WWC2: variants seen among roughly 807,000 people sequenced by gnomAD.
WWC2 encodes WW and C2 domain containing 2, also known as protein WWC2.
WWC2 carries 101 observed loss-of-function variants against 138.5 expected under a neutral mutation model. The ratio of observed to expected loss-of-function variants is 0.73; its 90% CI spans 0.62 to 0.86. The LOEUF is 0.86. WWC2 is among the 40% of genes least tolerant of loss of function. The pLI, the probability that WWC2 is intolerant of heterozygous loss-of-function variation, is 0.00. For synonymous variants in WWC2, 558 were observed against 538.4 expected (o/e 1.04, Z -0.50); for missense variants, 1,420 against 1,419.4 (o/e 1.00, Z -0.01).
chr4:183,269,348 A>G (rs1737622626), intron 15 of WWC2, 185 bp downstream of exon 15: 1 of 736,794 alleles, frequency 1.4e-6, no homozygotes, highest in South Asian at 1.5e-5. Flanking sequence ...CTTATTCCAG[A>G]CCTTTAAAAT....
intron 4 of WWC2, among the ~76,000 whole-genome samples, chr4:183,213,197 A>G (rs575361876): frequency 6.6e-6 from 1 of 152,186 alleles, no homozygotes; most frequent in Non-Finnish European, 1.5e-5. Flanking sequence ...TTGGGCACAG[A>G]TGGTGCGCTG....
rs777892807 is a variant in WWC2, at chr4:183,284,417, C to T, written c.3048+27C>T. ...TAAGGTGGCAGTGCTCGTGGTGAGG[C>T]GCTGGGACTGCAGCTTCTTCCCTGC... On this transcript the variant is annotated intron_variant, in intron 19 of 22. Transcript: ENST00000403733. 5.7e-5 allele frequency: 92 copies of T among 1,602,378 alleles called. No homozygotes were observed. In the East Asian group the frequency reaches 6.0e-4, roughly 11 times the overall value.
intron 1 of WWC2, among the ~76,000 whole-genome samples, chr4:183,175,095 G>A (rs551620207): frequency 1.6e-4 from 25 of 152,052 alleles, no homozygotes; most frequent in African/African-American, 4.6e-4. Context: ...AAATAGTTCA[G>A]CATACATTTC....
chr4:183,280,620 T>A (rs144390094), intron 16 of WWC2, among the ~76,000 whole-genome samples, 156 bp from the exon 17 acceptor site: 27 of 152,292 alleles, frequency 1.8e-4, no homozygotes, highest in African/African-American at 6.5e-4. Context: ...GAGGTTTTGC[T>A]TGTTTTGGGT....
intron 4 of WWC2, among the ~76,000 whole-genome samples, chr4:183,221,461 C>T (rs925177996): frequency 1.3e-5 from 2 of 152,162 alleles, no homozygotes; most frequent in Admixed American, 1.3e-4. Flanking sequence ...TTAAAAACAG[C>T]AGAAGTGCAC....
chr4:183,114,931 C>T (rs1332632789), intron 1 of WWC2, among the ~76,000 whole-genome samples: 1 of 152,184 alleles, frequency 6.6e-6, no homozygotes, highest in Non-Finnish European at 1.5e-5. Context: ...AAGCGATTGT[C>T]ATGCCTCAGC....
Position 183,319,112 on chromosome 4 carries a change from G to C in WWC2, c.*3383G>C. On this transcript the variant is annotated 3_prime_UTR_variant, in exon 23 of 23. Transcript: ENST00000403733. The stretch of plus-strand genomic sequence containing the variant: ...CTTTCACCTCTGAAGCTTCTAAAGA[G>C]CTAGTAATTATTTTATATAATAAGA... 6.3e-6 allele frequency: 1 copy of C among 159,502 alleles called. No homozygotes were observed. 9.9% of individuals were successfully genotyped at this position (159,502 alleles called of 1,614,324 possible).
chr4:183,320,477 A>G lies in WWC2; in HGVS notation c.*4748A>G, dbSNP rs1739607725. ...GTGTCCTGTGGGCTGGATTTGACAGAAAGCAGTTTGTCACTGAAATATAAT... is the reference window on the plus strand; with the variant it reads ...GTGTCCTGTGGGCTGGATTTGACAGGAAGCAGTTTGTCACTGAAATATAAT... On this transcript the variant is annotated 3_prime_UTR_variant, in exon 23 of 23. Transcript: ENST00000403733. 1 of 490,270 alleles carries G rather than the reference A, an allele frequency of 2.0e-6. No individual in the cohort carries two copies. Among genetic ancestry groups the G allele is most frequent in the African/African-American group, 1.9e-5 (1 of 51,956 alleles). The allele number at this position is 490,270 out of a possible 1,614,324, so 30.4% of individuals were successfully genotyped here.
chr4:183,178,757 C>T (rs763278506), intron 1 of WWC2, among the ~76,000 whole-genome samples: 8 of 152,124 alleles, frequency 5.3e-5, no homozygotes, highest in Non-Finnish European at 8.8e-5. Flanking sequence ...CTGAGCTCTC[C>T]GTTCAGAAGC....
chr4:183,163,451 G>C (rs183039353), intron 1 of WWC2, among the ~76,000 whole-genome samples: 496 of 152,306 alleles, frequency 3.3e-3, no homozygotes, highest in Non-Finnish European at 5.4e-3. Flanking sequence ...AAAAAAACTG[G>C]TCACATGATA....
At chr4:183,312,885 T>A (rs776860175) in intron 22 of WWC2, among the ~76,000 whole-genome samples, 5 of 152,162 alleles carry the variant, frequency 3.3e-5, no homozygotes, top group African/African-American at 4.8e-5. Context: ...TCTGCTCTTC[T>A]GGGGGGCTCT....
chr4:183,260,274 A>G (rs960816700), intron 10 of WWC2, among the ~76,000 whole-genome samples: 5 of 152,168 alleles, frequency 3.3e-5, no homozygotes, highest in African/African-American at 4.8e-5. Flanking sequence ...CTAGATGTCT[A>G]TGCAAATAAA....
In WWC2 at chr4:183,114,477, A is replaced by G. The variant is rs1431899303; in HGVS notation, c.131+14855A>G. On this transcript the variant is annotated intron_variant, in intron 1 of 22. Transcript: ENST00000403733. ...CACCCAGATATAGAATCTTTTGTTC[A>G]GGAGACAGCTCAGAGCTAGAGATAC... Among the ~76,000 whole-genome samples, 6 of 152,208 alleles carry G rather than the reference A, an allele frequency of 3.9e-5. No individual in the cohort carries two copies. The East Asian group carries it at 9.6e-4, about 24-fold the overall frequency.
At chr4:183,309,387 A>G (rs373619149) in intron 21 of WWC2, among the ~76,000 whole-genome samples, 75 of 152,332 alleles carry the variant, frequency 4.9e-4, no homozygotes, top group African/African-American at 1.7e-3. Context: ...AAACTCAACA[A>G]TACAAAACAA....
intron 8 of WWC2, among the ~76,000 whole-genome samples, chr4:183,250,471 T>TA (rs749305220): frequency 7.9e-5 from 12 of 152,136 alleles, no homozygotes; most frequent in Non-Finnish European, 1.5e-4. Flanking sequence ...CCAGTCGACT[T>TA]AGGTTAGGGA....
intron 19 of WWC2, among the ~76,000 whole-genome samples, chr4:183,285,175 A>G (rs1402246625): frequency 3.3e-5 from 5 of 152,136 alleles, no homozygotes; most frequent in South Asian, 2.1e-4. Context: ...GATCAATGCT[A>G]TGGACAACAG....
chr4:183,100,562 A>T (rs144507683), intron 1 of WWC2, among the ~76,000 whole-genome samples: 1 of 152,178 alleles, frequency 6.6e-6, no homozygotes, highest in South Asian at 2.1e-4. Context: ...CGACATTTGG[A>T]CTTTTGTCAT....
At chr4:183,204,870 G>A (rs1202342050) in intron 2 of WWC2, among the ~76,000 whole-genome samples, 2 of 152,262 alleles carry the variant, frequency 1.3e-5, no homozygotes, top group South Asian at 2.1e-4. Flanking sequence ...ACAGCATGTG[G>A]TCTTTTGTGT....
chr4:183,104,977 T>A (rs542247942), intron 1 of WWC2, among the ~76,000 whole-genome samples: 1 of 152,252 alleles, frequency 6.6e-6, no homozygotes, highest in Non-Finnish European at 1.5e-5. Flanking sequence ...CACAATCTCG[T>A]CTTACTACAA....
Sources: gnomAD v4.1 joint callset for allele counts (sites outside exome capture counted in the v4.1 genomes callset) on GRCh38, gnomAD v4.1.1 for gene constraint, MANE v1.5 for transcripts, NCBI Gene and HGNC (gene_info 2026-07-23, HGNC 2026-07-21) for gene names.